Variants in HS3ST4 observed in about 807,000 individuals in gnomAD.
HS3ST4 encodes heparan sulfate-glucosamine 3-sulfotransferase 4.
HS3ST4 carries 17 observed loss-of-function variants against 29.2 expected under a neutral mutation model. That is an observed-to-expected ratio of 0.58 (90% CI 0.40 to 0.87). The LOEUF is 0.87. Among genes scored for constraint, HS3ST4 ranks in the 40% least tolerant of loss-of-function variants. The pLI, the probability that HS3ST4 is intolerant of heterozygous loss-of-function variation, is 0.00. For missense variants in HS3ST4, 627 were observed against 634.5 expected, an observed-to-expected ratio of 0.99 and a Z score of 0.13; for synonymous variants, 314 against 285.7, an observed-to-expected ratio of 1.10 and a Z score of -1.00.
At chr16:25,910,087 A>G (rs1596611069) in intron 1 of HS3ST4, among the ~76,000 whole-genome samples, 1 of 152,196 alleles carries the variant, frequency 6.6e-6, no homozygotes, top group African/African-American at 2.4e-5. Flanking sequence ...CTGATGCAAC[A>G]ATAGGCTTGA....
intron 1 of HS3ST4, among the ~76,000 whole-genome samples, chr16:25,949,610 A>G (rs976977479): frequency 7.9e-5 from 12 of 152,202 alleles, no homozygotes; most frequent in East Asian, 1.9e-4. Context: ...TATTATGGCT[A>G]CAGCATAGAC....
chr16:25,708,402 T>C (rs887649334), intron 1 of HS3ST4, among the ~76,000 whole-genome samples: 5 of 152,224 alleles, frequency 3.3e-5, no homozygotes, highest in Non-Finnish European at 7.4e-5. Flanking sequence ...TACAGTTGTG[T>C]ATTTGTTTTT....
chr16:25,749,645 C>A (rs988182803), intron 1 of HS3ST4, among the ~76,000 whole-genome samples: 39 of 152,304 alleles, frequency 2.6e-4, no homozygotes, highest in African/African-American at 8.7e-4. Flanking sequence ...AAGCTGTTGT[C>A]CTCTATGTGC....
At chr16:26,067,212 ATAT>A (rs1567305290) in intron 1 of HS3ST4, among the ~76,000 whole-genome samples, 1 of 152,160 alleles carries the variant, frequency 6.6e-6, no homozygotes, top group South Asian at 2.1e-4. Flanking sequence ...TCCTGTGCAA[ATAT>A]TATTTTCAGA....
chr16:25,861,701 T>C (rs923955277), intron 1 of HS3ST4, among the ~76,000 whole-genome samples: 8 of 152,122 alleles, frequency 5.3e-5, no homozygotes, highest in African/African-American at 1.9e-4. Context: ...GTTCCTTCCC[T>C]TTCTCTCAGG....
At chr16:25,742,608 G>A (rs1179279766) in intron 1 of HS3ST4, among the ~76,000 whole-genome samples, 1 of 152,214 alleles carries the variant, frequency 6.6e-6, no homozygotes, top group African/African-American at 2.4e-5. Flanking sequence ...CTGGGCAAGT[G>A]AAAGCAACAG....
At chr16:25,744,604 A>C (rs1966674356) in intron 1 of HS3ST4, among the ~76,000 whole-genome samples, 1 of 152,164 alleles carries the variant, frequency 6.6e-6, no homozygotes, top group Non-Finnish European at 1.5e-5. Flanking sequence ...CAAGATGGCT[A>C]CTGGGACTCC....
At chr16:26,068,541 A>G (rs1898566511) in intron 1 of HS3ST4, among the ~76,000 whole-genome samples, 1 of 152,134 alleles carries the variant, frequency 6.6e-6, no homozygotes, top group Admixed American at 6.5e-5. Context: ...TCTGACTTTG[A>G]AGTCCACACT....
intron 1 of HS3ST4, among the ~76,000 whole-genome samples, chr16:26,044,997 G>A (rs142806998): frequency 5.3e-5 from 8 of 152,282 alleles, no homozygotes; most frequent in East Asian, 3.9e-4. Context: ...ACTGACTGCC[G>A]TCTGTGCAAC....
At chr16:26,004,212 A>G (rs1008784528) in intron 1 of HS3ST4, among the ~76,000 whole-genome samples, 2 of 152,202 alleles carry the variant, frequency 1.3e-5, no homozygotes, top group Non-Finnish European at 2.9e-5. Context: ...CTCGAGTATA[A>G]CAGATATCCA....
intron 1 of HS3ST4, among the ~76,000 whole-genome samples, chr16:25,884,564 T>A (rs187987661): frequency 1.5e-3 from 221 of 152,306 alleles, no homozygotes; most frequent in African/African-American, 5.1e-3. Flanking sequence ...GTTAAGTACC[T>A]TGTTGGTTTG....
At chr16:25,976,247 A>G (rs1319829165) in intron 1 of HS3ST4, among the ~76,000 whole-genome samples, 3 of 152,102 alleles carry the variant, frequency 2.0e-5, no homozygotes, top group Admixed American at 2.0e-4. Flanking sequence ...TAAAATTCTC[A>G]TTGGTCATTC....
At position 25,742,450 on chromosome 16, in the gene HS3ST4, CAG is replaced by C. The variant is rs1171017014; in HGVS notation, c.734+49300_734+49301del. Among the ~76,000 whole-genome samples the C allele has an allele frequency of 2.6e-5, 4 of 152,324 alleles. No individual in the cohort carries two copies. In the East Asian group the frequency reaches 7.7e-4, roughly 29 times the overall value. The stretch of plus-strand genomic sequence containing the variant: ...GATCAGGGGAATAGACTGTGGCTAT[CAG>C]CCAGGTCAGAAACATGGGAACCTTG... On this transcript the variant is annotated intron_variant, in intron 1 of 1. Transcript: ENST00000331351.
chr16:25,928,963 G>A (rs1489813435), intron 1 of HS3ST4, among the ~76,000 whole-genome samples: 1 of 152,170 alleles, frequency 6.6e-6, no homozygotes, highest in Non-Finnish European at 1.5e-5. Context: ...TTAGAGAACT[G>A]TAAGTAATTC....
At chr16:25,810,902 A>C (rs1015569623) in intron 1 of HS3ST4, among the ~76,000 whole-genome samples, 38 of 152,344 alleles carry the variant, frequency 2.5e-4, no homozygotes, top group African/African-American at 8.9e-4. Flanking sequence ...GAAAAAGCAA[A>C]ACTCAGGAGA....
intron 1 of HS3ST4, among the ~76,000 whole-genome samples, chr16:25,902,548 G>A (rs146966483): frequency 1.3e-5 from 2 of 152,018 alleles, no homozygotes; most frequent in African/African-American, 4.8e-5. Context: ...ATATGAAGTA[G>A]CATCATGGGA....
intron 1 of HS3ST4, among the ~76,000 whole-genome samples, chr16:26,049,972 C>A (rs1486373061): frequency 6.6e-6 from 1 of 152,178 alleles, no homozygotes; most frequent in South Asian, 2.1e-4. Context: ...GAGCCTCCCC[C>A]TGTCCAGCTG....
intron 1 of HS3ST4, among the ~76,000 whole-genome samples, chr16:25,819,395 G>A (rs748710929): frequency 2.0e-5 from 3 of 152,154 alleles, no homozygotes; most frequent in Admixed American, 6.5e-5. Context: ...GCACGTGACT[G>A]GTCTGCAGAA....
intron 1 of HS3ST4, among the ~76,000 whole-genome samples, chr16:25,754,489 G>A (rs940541329): frequency 3.5e-4 from 53 of 150,068 alleles, no homozygotes; most frequent in Admixed American, 2.3e-3. Flanking sequence ...CTACCCATCT[G>A]TACTAGCCCA....
Sources: allele counts gnomAD v4.1 joint callset (sites outside exome capture counted in the v4.1 genomes callset), GRCh38; gene constraint gnomAD v4.1.1; transcripts MANE v1.5; gene names NCBI Gene and HGNC (gene_info 2026-07-23, HGNC 2026-07-21).